TARS1: variants seen among roughly 807,000 people sequenced by gnomAD.
TARS1 encodes the protein threonine--tRNA ligase 1, cytoplasmic.
Under a neutral mutation model 97.7 loss-of-function variants are expected in TARS1, and 57 were observed. The ratio of observed to expected loss-of-function variants is 0.58; its 90% CI spans 0.47 to 0.73. The LOEUF (loss-of-function observed/expected upper bound fraction) is 0.73, where lower values mean the gene tolerates loss of function less well. Ranked by LOEUF, TARS1 falls within the 30% of genes least tolerant of loss-of-function variation. The probability of loss-of-function intolerance (pLI) is 0.00; values close to 1 mark genes in which losing one functional copy is unlikely to be tolerated. For missense variants in TARS1, 806 were observed against 888.3 expected, an observed-to-expected ratio of 0.91 and a Z score of 1.18; for synonymous variants, 312 against 293.7, an observed-to-expected ratio of 1.06 and a Z score of -0.64.
chr5:33,465,485 C>A (rs1016055111), intron 17 of TARS1, among the ~76,000 whole-genome samples: 6 of 152,188 alleles, frequency 3.9e-5, no homozygotes, highest in African/African-American at 9.7e-5. Context: ...GCCCATCTCA[C>A]GTGCACACAC....
At chr5:33,450,002 A>G (rs180983047) in intron 3 of TARS1, among the ~76,000 whole-genome samples, 1 of 152,284 alleles carries the variant, frequency 6.6e-6, no homozygotes, top group East Asian at 1.9e-4. Context: ...AGCGAGTGCT[A>G]ATTAGAGTTC....
chr5:33,445,442 G>A lies in TARS1; in HGVS notation c.138+38G>A, dbSNP rs755108750. The A allele has an allele frequency of 2.5e-6, 4 of 1,584,922 alleles. No individual in the cohort carries two copies. In the South Asian group the frequency reaches 4.4e-5, roughly 18 times the overall value. ...ATCACAGAGGGCTCTGTTATCAGAGGTTGGCAAATCGCAGGGAACTTTCTG... is the reference window on the plus strand; with the variant it reads ...ATCACAGAGGGCTCTGTTATCAGAGATTGGCAAATCGCAGGGAACTTTCTG... On this transcript the variant is annotated intron_variant, in intron 2 of 18. Transcript: ENST00000265112.
intron 1 of TARS1, among the ~76,000 whole-genome samples, chr5:33,443,381 C>T (rs1741237780): frequency 6.8e-6 from 1 of 146,604 alleles, no homozygotes; most frequent in African/African-American, 2.5e-5. Flanking sequence ...GTTCATTTGG[C>T]AAATGGTCAA....
chr5:33,448,327 C>T (rs974737821), intron 2 of TARS1, among the ~76,000 whole-genome samples: 4 of 152,170 alleles, frequency 2.6e-5, no homozygotes, highest in Non-Finnish European at 4.4e-5. Context: ...TGGTAATTGT[C>T]GATTCAGCAT....
intron 16 of TARS1, 62 bp from the exon 17 acceptor site, chr5:33,463,691 T>A: frequency 7.3e-7 from 1 of 1,376,130 alleles, no homozygotes; most frequent in South Asian, 1.2e-5. Flanking sequence ...GTAAGAAATA[T>A]GCTGTCCCTG....
At chr5:33,448,187 A>C (rs145639780) in intron 2 of TARS1, among the ~76,000 whole-genome samples, 1 of 152,364 alleles carries the variant, frequency 6.6e-6, no homozygotes, top group African/African-American at 2.4e-5. Context: ...GAAACAAAAT[A>C]GAAAAGCCAG....
intron 1 of TARS1, among the ~76,000 whole-genome samples, chr5:33,444,132 G>A (rs1461154388): frequency 6.6e-6 from 1 of 152,154 alleles, no homozygotes; most frequent in Non-Finnish European, 1.5e-5. Context: ...AAATTATTAT[G>A]CTAACTAAAA....
chr5:33,455,013 C>G lies in TARS1; in HGVS notation c.522C>G (p.Cys174Trp). The G allele has an allele frequency of 6.2e-7, 1 of 1,613,702 alleles. No homozygotes were observed. Among genetic ancestry groups the G allele is most frequent in the Non-Finnish European group, 8.5e-7 (1 of 1,179,860 alleles). Reference sequence around the variant, plus strand: ...AAAGAGTCTATGGTGGATGTTTATGCTACGGTCCGCCAATAGAAAATGGAT... The same window carrying G: ...AAAGAGTCTATGGTGGATGTTTATGGTACGGTCCGCCAATAGAAAATGGAT... The part of the protein sequence containing the change: ...AMERVYGGCL[C>W]YGPPIENGFY... The change falls in exon 5 of 19, where the codon TGC (cysteine) becomes TGG (tryptophan). Residue 174 changes from cysteine to tryptophan, a missense_variant. Cys to Trp is a radical substitution (Grantham distance 215). Coordinates refer to ENST00000265112, the MANE Select transcript of TARS1 (RefSeq NM_152295.5).
At chr5:33,461,547 A>G (rs1181505917) in intron 13 of TARS1, 120 bp from the exon 14 acceptor site, 4 of 1,136,714 alleles carry the variant, frequency 3.5e-6, no homozygotes, top group Non-Finnish European at 5.0e-6. Flanking sequence ...CAGGTGGACA[A>G]AATTCTAAAG....
At chr5:33,452,214 A>G (rs1741779230) in intron 3 of TARS1, 4 of 718,006 alleles carry the variant, frequency 5.6e-6, no homozygotes, top group African/African-American at 5.3e-5. Flanking sequence ...TAAAGGGTGT[A>G]TACTTTTTCT....
chr5:33,452,169 C>G (rs78521314), intron 3 of TARS1, among the ~76,000 whole-genome samples: 2,930 of 152,228 alleles, frequency 0.019, 97 homozygotes, highest in African/African-American at 0.067. Flanking sequence ...TAGCTTAAAG[C>G]CTTCTAGTGG....
At chr5:33,451,476 G>A (rs545539643) in intron 3 of TARS1, among the ~76,000 whole-genome samples, 17 of 151,588 alleles carry the variant, frequency 1.1e-4, no homozygotes, top group Admixed American at 1.3e-4. Context: ...CTGGGTTGAC[G>A]CCATTCTCCT....
At chr5:33,458,334 AT>A (rs1742128274) in intron 9 of TARS1, among the ~76,000 whole-genome samples, 2 of 152,198 alleles carry the variant, frequency 1.3e-5, no homozygotes, top group South Asian at 4.1e-4. Context: ...ACTTGACTGG[AT>A]TGAGGAATAT....
At chr5:33,454,170 A>G (rs961377674) in intron 4 of TARS1, among the ~76,000 whole-genome samples, 4 of 152,222 alleles carry the variant, frequency 2.6e-5, no homozygotes, top group Admixed American at 6.5e-5. Flanking sequence ...GTCAACCTGC[A>G]TGTGATGACA....
chr5:33,444,452 G>A (rs1579573867), intron 1 of TARS1, among the ~76,000 whole-genome samples: 2 of 152,190 alleles, frequency 1.3e-5, no homozygotes, highest in South Asian at 4.1e-4. Context: ...TCACAAACAT[G>A]CAAACTAATT....
intron 2 of TARS1, 100 bp from the exon 3 acceptor site, chr5:33,448,441 C>T: frequency 9.7e-7 from 1 of 1,026,550 alleles, no homozygotes; most frequent in East Asian, 2.7e-5. Flanking sequence ...AATCAATAGT[C>T]CTGGGTTTCT....
In TARS1 at chr5:33,440,989, G is replaced by T. The variant is rs1741055301; in HGVS notation, c.-98G>T. On this transcript the variant is annotated 5_prime_UTR_variant, in exon 1 of 19. It adds an upstream start codon to the 5' untranslated region. Transcript: ENST00000265112. The stretch of plus-strand genomic sequence containing the variant: ...CGATTGCATCAGCTGGTCCAGCCGA[G>T]GCCAAGTCCCGGGCGCTAGCCCACC... The T allele has an allele frequency of 3.3e-6, 5 of 1,507,560 alleles. 1 individual carries two copies. The highest frequency in any genetic ancestry group is 2.0e-4 in the Middle Eastern group (1 of 4,920). The allele number at this position is 1,507,560 out of a possible 1,614,324, so 93.4% of individuals were successfully genotyped here. A position where few individuals can be genotyped will look rare whatever the true frequency, so the allele number is the denominator to read the frequency against.
chr5:33,449,670 T>A lies in TARS1; in HGVS notation c.329+939T>A, dbSNP rs1232696463. Among the ~76,000 whole-genome samples, 8 of 152,080 alleles carry A rather than the reference T, an allele frequency of 5.3e-5. No individual in the cohort carries two copies. The East Asian group carries it at 1.5e-3, about 29-fold the overall frequency. Reference sequence around the variant, plus strand: ...CGGGGTTTCACCGTGCTAGCCAGGATGGTCTCGATCTCCTGACCTTGTGAT... The same window carrying A: ...CGGGGTTTCACCGTGCTAGCCAGGAAGGTCTCGATCTCCTGACCTTGTGAT... On this transcript the variant is annotated intron_variant, in intron 3 of 18. Transcript: ENST00000265112.
chr5:33,456,130 C>G lies in TARS1; in HGVS notation c.759-19C>G. 1 of 1,613,450 alleles carries G rather than the reference C, an allele frequency of 6.2e-7. No homozygotes were observed. Among genetic ancestry groups the G allele is most frequent in the Non-Finnish European group, 8.5e-7 (1 of 1,179,590 alleles). On this transcript the variant is annotated intron_variant, in intron 7 of 18. Coordinates refer to ENST00000265112, the MANE Select transcript of TARS1 (RefSeq NM_152295.5). ...ATGTCATTTTGTCTTTGTTAAAATT[C>G]CTTTCATTTTATCTTTAGATGTGGC...
Sources: gnomAD v4.1 joint callset for allele counts (sites outside exome capture counted in the v4.1 genomes callset) on GRCh38, gnomAD v4.1.1 for gene constraint, MANE v1.5 for transcripts, NCBI Gene and HGNC (gene_info 2026-07-23, HGNC 2026-07-21) for gene names.